The following PGM2L1 variants were observed in gnomAD, a reference collection of about 807,000 sequenced individuals.
PGM2L1 encodes phosphoglucomutase 2 like 1, also known as glucose 1,6-bisphosphate synthase.
PGM2L1 carries 35 observed loss-of-function variants against 73.4 expected under a neutral mutation model. That is an observed-to-expected ratio of 0.48 (90% CI 0.36 to 0.63). The LOEUF (loss-of-function observed/expected upper bound fraction) is 0.63. Among genes scored for constraint, PGM2L1 ranks in the 30% least tolerant of loss-of-function variants. PGM2L1 has a pLI of 0.00. For missense variants in PGM2L1, 570 were observed against 742.0 expected (o/e 0.77, Z 2.69); for synonymous variants, 225 against 253.8 (o/e 0.89, Z 1.08).
chr11:74,395,955 T>A (rs1414760074), intron 1 of PGM2L1, among the ~76,000 whole-genome samples: 2 of 152,008 alleles, frequency 1.3e-5, no homozygotes. Flanking sequence ...AACAATCTTT[T>A]AAAAATAATT....
At chr11:74,358,569 C>T (rs1862498784) in intron 5 of PGM2L1, among the ~76,000 whole-genome samples, 2 of 152,172 alleles carry the variant, frequency 1.3e-5, no homozygotes, top group Admixed American at 1.3e-4. Context: ...TGCAAACTTT[C>T]TTTGCATATT....
chr11:74,360,794 C>T (rs570321804), intron 5 of PGM2L1, among the ~76,000 whole-genome samples: 13 of 152,302 alleles, frequency 8.5e-5, no homozygotes, highest in African/African-American at 2.4e-4. Flanking sequence ...CACAGAGCCT[C>T]GCTCATTGTT....
At chr11:74,342,726 C>A in intron 11 of PGM2L1, 76 bp from the exon 12 acceptor site, 2 of 1,388,114 alleles carry the variant, frequency 1.4e-6, no homozygotes, top group Non-Finnish European at 1.9e-6. Context: ...GAAGATCAGC[C>A]TACTATGGTA....
chr11:74,388,024 TAAC>T (rs2134951525), intron 1 of PGM2L1, among the ~76,000 whole-genome samples: 1 of 152,346 alleles, frequency 6.6e-6, no homozygotes, highest in East Asian at 1.9e-4. Context: ...TGTTGTTCTA[TAAC>T]TTGCTTATTT....
chr11:74,394,950 C>A (rs12225287), intron 1 of PGM2L1, among the ~76,000 whole-genome samples: 3 of 151,974 alleles, frequency 2.0e-5, no homozygotes, highest in South Asian at 4.1e-4. Context: ...ATCAGTTTCT[C>A]TGTTAAAAGA....
At chr11:74,375,275 T>A (rs1798684672) in intron 1 of PGM2L1, among the ~76,000 whole-genome samples, 1 of 152,226 alleles carries the variant, frequency 6.6e-6, no homozygotes, top group Non-Finnish European at 1.5e-5. Context: ...CATGCCAACA[T>A]CTATATTTGG....
At chr11:74,386,079 A>G (rs1863013655) in intron 1 of PGM2L1, among the ~76,000 whole-genome samples, 1 of 152,180 alleles carries the variant, frequency 6.6e-6, no homozygotes, top group Non-Finnish European at 1.5e-5. Flanking sequence ...ATTATGTTCT[A>G]CGTGATAAAA....
At chr11:74,398,004 C>A in intron 1 of PGM2L1, 47 bp downstream of exon 1, 3 of 1,548,676 alleles carry the variant, frequency 1.9e-6, no homozygotes, top group Non-Finnish European at 2.6e-6. Context: ...AAAGAGCAGA[C>A]TGTGTGGGGG....
intron 9 of PGM2L1, among the ~76,000 whole-genome samples, chr11:74,344,273 C>T (rs1434613761): frequency 6.6e-6 from 1 of 152,062 alleles, no homozygotes; most frequent in Non-Finnish European, 1.5e-5. Context: ...TGGATTTACT[C>T]TCCCTGAGTA....
At chr11:74,347,118 T>A in intron 7 of PGM2L1, 30 bp downstream of exon 7, 2 of 1,431,610 alleles carry the variant, frequency 1.4e-6, no homozygotes, top group Non-Finnish European at 1.9e-6. Context: ...TTTAATAAAC[T>A]AATAATAATT....
At position 74,355,553 on chromosome 11, in the gene PGM2L1, CAAAAAAAAAAAA is replaced by C. The variant is rs547652950; in HGVS notation, c.556-3989_556-3978del. Reference sequence around the variant, plus strand: ...TGGGCGACAGAGCGAGACTCCGTCTCAAAAAAAAAAAAAAAAAAAAAAAAAATTTGGATCCAT... The same window carrying C: ...TGGGCGACAGAGCGAGACTCCGTCTCAAAAAAAAAAAAAATTTGGATCCAT... On this transcript the variant is annotated intron_variant, in intron 5 of 13. Transcript: ENST00000298198. The C allele has an allele frequency of 3.5e-5, 4 of 114,258 alleles. No homozygotes were observed. The East Asian group carries it at 7.6e-4, about 22-fold the overall frequency. The allele number at this position is 114,258 out of a possible 1,614,324, so 7.1% of individuals were successfully genotyped here. A position where few individuals can be genotyped will look rare whatever the true frequency, so the allele number is the denominator to read the frequency against.
intron 9 of PGM2L1, among the ~76,000 whole-genome samples, chr11:74,344,738 AG>A (rs1340786365): frequency 2.6e-5 from 4 of 152,172 alleles, no homozygotes; most frequent in East Asian, 1.9e-4. Flanking sequence ...TCAGAATCTT[AG>A]GTGTGAATCA....
chr11:74,388,720 G>C (rs938962936), intron 1 of PGM2L1, among the ~76,000 whole-genome samples: 1 of 152,050 alleles, frequency 6.6e-6, no homozygotes, highest in East Asian at 1.9e-4. Context: ...CCATTGTTTT[G>C]TTTGGTAAGA....
rs1862852739 is a variant in PGM2L1, at chr11:74,376,371, G to A, written c.112-1789C>T. Among the ~76,000 whole-genome samples the A allele has an allele frequency of 2.0e-5, 3 of 151,724 alleles. No individual in the cohort carries two copies. In the South Asian group the frequency reaches 6.2e-4, roughly 32 times the overall value. Reference sequence around the variant, plus strand: ...CAGACAAACAAAATAATTGTGTTGGGGTGTTAATAATGCTTCTGATAACAA... The same window carrying A: ...CAGACAAACAAAATAATTGTGTTGGAGTGTTAATAATGCTTCTGATAACAA... On this transcript the variant is annotated intron_variant, in intron 1 of 13. Coordinates refer to ENST00000298198, the MANE Select transcript of PGM2L1 (RefSeq NM_173582.6).
chr11:74,397,823 T>G, intron 1 of PGM2L1: 1 of 452,470 alleles, frequency 2.2e-6, no homozygotes, highest in East Asian at 3.8e-5. Context: ...GAAGGGAGGT[T>G]ACAATTGAGA....
intron 4 of PGM2L1, 81 bp downstream of exon 4, chr11:74,370,821 A>C (rs901366866): frequency 7.6e-7 from 1 of 1,319,492 alleles, no homozygotes; most frequent in Admixed American, 1.8e-5. Flanking sequence ...CTACATGCAC[A>C]AAAAATATTT....
chr11:74,359,441 A>G (rs1186610781), intron 5 of PGM2L1, among the ~76,000 whole-genome samples: 1 of 152,104 alleles, frequency 6.6e-6, no homozygotes, highest in African/African-American at 2.4e-5. Flanking sequence ...ACATACACAC[A>G]CACACACATA....
intron 12 of PGM2L1, among the ~76,000 whole-genome samples, chr11:74,341,883 A>G (rs986048994): frequency 6.6e-6 from 1 of 152,120 alleles, no homozygotes. Context: ...GAGTTCGTGG[A>G]ACCAAGGGTT....
chr11:74,379,817 C>T (rs12804647), intron 1 of PGM2L1, among the ~76,000 whole-genome samples: 56,937 of 151,634 alleles, frequency 0.38, 12,639 homozygotes, highest in East Asian at 0.53. Context: ...CCCAGCTATT[C>T]GGGAGGCTGA....
Sources: gnomAD v4.1 joint callset for allele counts (sites outside exome capture counted in the v4.1 genomes callset) on GRCh38, gnomAD v4.1.1 for gene constraint, MANE v1.5 for transcripts, NCBI Gene and HGNC (gene_info 2026-07-23, HGNC 2026-07-21) for gene names.